CLEC4C: variants seen among roughly 807,000 people sequenced by gnomAD.
CLEC4C encodes the protein C-type (calcium dependent, carbohydrate-recognition domain) lectin, superfamily member 11.
A neutral mutation model predicts 27.7 loss-of-function variants in CLEC4C; 17 were observed. That is an observed-to-expected ratio of 0.61 (90% CI 0.42 to 0.92). CLEC4C has a LOEUF of 0.92. Ranked by LOEUF, CLEC4C falls within the 40% of genes least tolerant of loss-of-function variation. CLEC4C has a pLI of 0.00. For missense variants in CLEC4C, 244 were observed against 257.3 expected (o/e 0.95, Z 0.35); for synonymous variants, 80 against 80.8 (o/e 0.99, Z 0.06).
chr12:7,739,323 G>A (rs990547022), intron 3 of CLEC4C, among the ~76,000 whole-genome samples: 1 of 151,950 alleles, frequency 6.6e-6, no homozygotes, highest in African/African-American at 2.4e-5. Flanking sequence ...ATGTTGGCCA[G>A]GATAGTCTCA....
At chr12:7,729,882 T>A in intron 5 of CLEC4C, 142 bp from the exon 6 acceptor site, 2 of 711,568 alleles carry the variant, frequency 2.8e-6, no homozygotes, top group Non-Finnish European at 4.7e-6. Context: ...TGCCACGTTT[T>A]GTAAAACCTC....
At position 7,741,481 on chromosome 12, in the gene CLEC4C, G is replaced by T. The variant is rs768616751; in HGVS notation, c.175C>A (p.Arg59=). 6.2e-7 allele frequency: 1 copy of T among 1,612,700 alleles called. No homozygotes were observed. Among genetic ancestry groups the T allele is most frequent in the African/African-American group, 1.3e-5 (1 of 74,900 alleles). Residue 59 remains arginine (R), a synonymous_variant, in exon 3 of 6, where the codon CGA becomes AGA. Transcript: ENST00000360345. Reference sequence around the variant, plus strand: ...CTTGGATGATACTGTTGATACTCTCGTAACTTGGACAGCCTCTTGACAGTT... The same window carrying T: ...CTTGGATGATACTGTTGATACTCTCTTAACTTGGACAGCCTCTTGACAGTT... ...SKTVKRLSKL[R]EYQQYHPSLT...
chr12:7,730,796 C>A lies in CLEC4C; in HGVS notation c.497+1G>T, dbSNP rs1230508673. ...TGTCCTTTACCTCATTCTATACTCA[C>A]GTGACATTTTCATTGTATGGTGTCT... On this transcript the variant is annotated splice_donor_variant, in intron 5 of 5. Transcript: ENST00000360345. LOFTEE classifies it high-confidence loss of function. The A allele has an allele frequency of 8.5e-6, 13 of 1,531,226 alleles. No individual in the cohort carries two copies. The highest frequency in any genetic ancestry group is 9.1e-6 in the Non-Finnish European group (10 of 1,104,790). 94.9% of individuals were successfully genotyped at this position (1,531,226 alleles called of 1,614,324 possible). A position where few individuals can be genotyped will look rare whatever the true frequency, so the allele number is the denominator to read the frequency against.
intron 4 of CLEC4C, among the ~76,000 whole-genome samples, chr12:7,732,886 T>G (rs999049312): frequency 7.9e-5 from 12 of 151,722 alleles, no homozygotes; most frequent in Non-Finnish European, 1.8e-4. Flanking sequence ...GAGGCGGAGC[T>G]GCAGTGAGCG....
At chr12:7,744,944 T>G (rs1429478638) in intron 2 of CLEC4C, among the ~76,000 whole-genome samples, 1 of 152,086 alleles carries the variant, frequency 6.6e-6, no homozygotes, top group Non-Finnish European at 1.5e-5. Flanking sequence ...GGGAAGAATC[T>G]CACATGAAGA....
At chr12:7,746,558 C>A in intron 1 of CLEC4C, 135 bp from the exon 2 acceptor site, 1 of 604,824 alleles carries the variant, frequency 1.7e-6, no homozygotes, top group Non-Finnish European at 2.9e-6. Flanking sequence ...AATGTGAAAG[C>A]AAAAAGAGAT....
At chr12:7,734,304 G>A (rs1237908570) in intron 4 of CLEC4C, among the ~76,000 whole-genome samples, 1 of 152,166 alleles carries the variant, frequency 6.6e-6, no homozygotes, top group Non-Finnish European at 1.5e-5. Flanking sequence ...GGGGAGACAG[G>A]ATGAACAGCA....
intron 4 of CLEC4C, among the ~76,000 whole-genome samples, chr12:7,732,420 C>T (rs968402077): frequency 2.1e-4 from 32 of 151,140 alleles, no homozygotes; most frequent in South Asian, 4.2e-4. Context: ...GGTGTGATCT[C>T]GGCTCACTGC....
intron 2 of CLEC4C, among the ~76,000 whole-genome samples, chr12:7,743,633 C>A (rs1864910724): frequency 6.6e-6 from 1 of 151,990 alleles, no homozygotes; most frequent in African/African-American, 2.4e-5. Flanking sequence ...TCCGCCTCGG[C>A]CTCCCAAAGT....
intron 3 of CLEC4C, among the ~76,000 whole-genome samples, 168 bp downstream of exon 3, chr12:7,741,253 A>G (rs796126442): frequency 6.6e-5 from 10 of 152,312 alleles, no homozygotes; most frequent in African/African-American, 2.4e-4. Context: ...GGTGTGAGCC[A>G]TTGGGCCCAG....
At chr12:7,748,919 A>C (rs957682518), upstream of CLEC4C, among the ~76,000 whole-genome samples, 1 of 152,248 alleles carries the variant, frequency 6.6e-6, no homozygotes, top group Non-Finnish European at 1.5e-5. Context: ...GAATGCTTTG[A>C]GTATGACCAG....
At chr12:7,748,369 T>C (rs947828302), upstream of CLEC4C, among the ~76,000 whole-genome samples, 1 of 152,010 alleles carries the variant, frequency 6.6e-6, no homozygotes, top group Admixed American at 6.6e-5. Context: ...CTACTAAAAA[T>C]ACAAAAATTA....
intron 3 of CLEC4C, among the ~76,000 whole-genome samples, chr12:7,739,194 C>G (rs1864797505): frequency 6.6e-6 from 1 of 151,236 alleles, no homozygotes; most frequent in Admixed American, 6.6e-5. Context: ...CTCACTGCAA[C>G]CTTCGCCTCC....
chr12:7,733,209 A>G (rs1864640869), intron 4 of CLEC4C, among the ~76,000 whole-genome samples: 1 of 151,778 alleles, frequency 6.6e-6, no homozygotes, highest in Non-Finnish European at 1.5e-5. Flanking sequence ...CTTAACCAGT[A>G]CATGTTCTGT....
At chr12:7,736,766 G>A (rs902007517) in intron 4 of CLEC4C, among the ~76,000 whole-genome samples, 12 of 151,864 alleles carry the variant, frequency 7.9e-5, no homozygotes, top group Non-Finnish European at 1.2e-4. Context: ...AAAATTAGCC[G>A]GGCGTGGTGG....
chr12:7,736,240 G>T (rs1241773339), intron 4 of CLEC4C, among the ~76,000 whole-genome samples: 2 of 151,420 alleles, frequency 1.3e-5, no homozygotes, highest in Admixed American at 6.6e-5. Flanking sequence ...CCAAGACCGT[G>T]CCATTGCACT....
At chr12:7,742,670 G>A (rs1193483452) in intron 2 of CLEC4C, among the ~76,000 whole-genome samples, 12 of 151,442 alleles carry the variant, frequency 7.9e-5, no homozygotes, top group African/African-American at 1.7e-4. Context: ...TTAGCCAGGC[G>A]TGGTGACACG....
intron 4 of CLEC4C, 44 bp from the exon 5 acceptor site, chr12:7,730,956 C>A: frequency 1.0e-6 from 1 of 986,308 alleles, no homozygotes; most frequent in Non-Finnish European, 1.6e-6. Context: ...AGAGCAGGAG[C>A]ACCCTCATCT....
chr12:7,730,659 C>G, intron 5 of CLEC4C, 138 bp downstream of exon 5: 3 of 370,640 alleles, frequency 8.1e-6, no homozygotes, highest in South Asian at 3.9e-5. Context: ...AAAAAAAAAG[C>G]ACAACCCTTG....
Sources: gnomAD v4.1 joint callset for allele counts (sites outside exome capture counted in the v4.1 genomes callset) on GRCh38, gnomAD v4.1.1 for gene constraint, MANE v1.5 for transcripts, NCBI Gene and HGNC (gene_info 2026-07-23, HGNC 2026-07-21) for gene names.